The following CRYBG1 variants were observed in gnomAD, a reference collection of about 807,000 sequenced individuals.
CRYBG1 encodes beta/gamma crystallin domain-containing protein 1.
In CRYBG1, 139 loss-of-function variants were observed where a neutral mutation model predicts 189.2. The ratio of observed to expected loss-of-function variants is 0.73; its 90% CI spans 0.64 to 0.85. CRYBG1 has a LOEUF of 0.85. Among genes scored for constraint, CRYBG1 ranks in the 40% least tolerant of loss-of-function variants. The probability of loss-of-function intolerance (pLI) is 0.00; values close to 1 mark genes in which losing one functional copy is unlikely to be tolerated. For synonymous variants in CRYBG1, 1,023 were observed against 1,017.1 expected, an observed-to-expected ratio of 1.01 and a Z score of -0.11; for missense variants, 2,611 against 2,675.8, an observed-to-expected ratio of 0.98 and a Z score of 0.53.
chr6:106,472,511 T>A (rs1295590011), intron 2 of CRYBG1, among the ~76,000 whole-genome samples: 1 of 147,304 alleles, frequency 6.8e-6, no homozygotes, highest in Non-Finnish European at 1.5e-5. Flanking sequence ...AAACATTTTT[T>A]AGCTTTTTCT....
chr6:106,511,396 C>T, intron 2 of CRYBG1, 34 bp from the exon 3 acceptor site: 2 of 1,497,314 alleles, frequency 1.3e-6, no homozygotes, highest in Non-Finnish European at 1.8e-6. Flanking sequence ...ACCAGATTCT[C>T]ATATGTTCCC....
intron 2 of CRYBG1, among the ~76,000 whole-genome samples, chr6:106,463,628 CA>C (rs1772059119): frequency 6.6e-6 from 1 of 152,126 alleles, no homozygotes; most frequent in African/African-American, 2.4e-5. Flanking sequence ...GCTGAAGTGA[CA>C]GTTGGAGATG....
Position 106,490,721 on chromosome 6 carries a change from G to A in CRYBG1, c.313-20709G>A, listed in dbSNP as rs148896703. On this transcript the variant is annotated intron_variant, in intron 2 of 21. Coordinates refer to ENST00000633556, the MANE Select transcript of CRYBG1 (RefSeq NM_001371242.2). ...TCATAGAGTCAGGAGCAGGAATACA[G>A]ATTCACAGAAAGAATGAGCATGTGA... Among the ~76,000 whole-genome samples the A allele has an allele frequency of 1.1e-4, 17 of 152,304 alleles. No homozygotes were observed. In the East Asian group the frequency reaches 2.1e-3, roughly 19 times the overall value.
chr6:106,456,495 T>C (rs1303552593), intron 2 of CRYBG1, among the ~76,000 whole-genome samples: 3 of 152,280 alleles, frequency 2.0e-5, no homozygotes, highest in African/African-American at 7.2e-5. Context: ...GTTAATCTTA[T>C]AATTATAGAG....
At chr6:106,405,620 C>T (rs1350395388) in intron 1 of CRYBG1, among the ~76,000 whole-genome samples, 1 of 152,216 alleles carries the variant, frequency 6.6e-6, no homozygotes, top group Non-Finnish European at 1.5e-5. Context: ...TCAGCAGACA[C>T]CTCATACAGG....
At chr6:106,410,085 C>G (rs1770898561) in intron 1 of CRYBG1, among the ~76,000 whole-genome samples, 1 of 152,140 alleles carries the variant, frequency 6.6e-6, no homozygotes, top group South Asian at 2.1e-4. Context: ...AGTGAACAGG[C>G]AACCTACAGA....
intron 2 of CRYBG1, among the ~76,000 whole-genome samples, chr6:106,467,161 T>C (rs1324415174): frequency 6.6e-6 from 1 of 152,194 alleles, no homozygotes; most frequent in Non-Finnish European, 1.5e-5. Context: ...ATGGTGTTCC[T>C]GGTAACAGAT....
chr6:106,553,723 C>T (rs1031869256), intron 16 of CRYBG1, among the ~76,000 whole-genome samples, 156 bp downstream of exon 16: 4 of 152,160 alleles, frequency 2.6e-5, no homozygotes, highest in Non-Finnish European at 5.9e-5. Flanking sequence ...GTACCAGACG[C>T]CAGAGGACAC....
At chr6:106,428,592 A>G (rs1771269310) in intron 1 of CRYBG1, among the ~76,000 whole-genome samples, 2 of 152,202 alleles carry the variant, frequency 1.3e-5, no homozygotes, top group East Asian at 1.9e-4. Context: ...GTTGTGTTGT[A>G]TGGTCATCCT....
chr6:106,497,651 A>C (rs985128416), intron 2 of CRYBG1, among the ~76,000 whole-genome samples: 1 of 152,234 alleles, frequency 6.6e-6, no homozygotes, highest in African/African-American at 2.4e-5. Context: ...CACAAACATT[A>C]CTAGGCATCT....
intron 13 of CRYBG1, among the ~76,000 whole-genome samples, chr6:106,545,684 ACT>A (rs1460207025): frequency 1.1e-5 from 1 of 88,804 alleles, no homozygotes; most frequent in African/African-American, 2.8e-5. Context: ...TGTTCTCCTA[ACT>A]CTTTTTTTTT....
chr6:106,414,552 G>C (rs1254950773), intron 1 of CRYBG1, among the ~76,000 whole-genome samples: 1 of 152,230 alleles, frequency 6.6e-6, no homozygotes, highest in Non-Finnish European at 1.5e-5. Context: ...GATAAGAAGA[G>C]CCCACTCAGT....
At chr6:106,506,471 T>TG (rs1491177955) in intron 2 of CRYBG1, among the ~76,000 whole-genome samples, 2 of 105,936 alleles carry the variant, frequency 1.9e-5, no homozygotes, top group East Asian at 5.0e-4. Flanking sequence ...TTTTTTTTTT[T>TG]GAGATGGAGT....
Position 106,570,740 on chromosome 6 carries a change from A to G in CRYBG1, c.*2174A>G, listed in dbSNP as rs1483509860. 1 of 152,210 alleles carries G rather than the reference A, an allele frequency of 6.6e-6. No individual in the cohort carries two copies. Among genetic ancestry groups the G allele is most frequent in the African/African-American group, 2.4e-5 (1 of 41,452 alleles). The allele number at this position is 152,210 out of a possible 1,614,324, so 9.4% of individuals were successfully genotyped here. A position where few individuals can be genotyped will look rare whatever the true frequency, so the allele number is the denominator to read the frequency against. On this transcript the variant is annotated 3_prime_UTR_variant, in exon 22 of 22. Coordinates refer to ENST00000633556, the MANE Select transcript of CRYBG1 (RefSeq NM_001371242.2). ...TGGAAGTCAAGAGCAGCTGGTATTT[A>G]CACCTGGAAAATCAGATTTTTTTTT...
intron 15 of CRYBG1, 70 bp from the exon 16 acceptor site, chr6:106,553,385 A>G: frequency 9.5e-7 from 1 of 1,049,240 alleles, no homozygotes; most frequent in Non-Finnish European, 1.5e-6. Flanking sequence ...TTAGGTCATC[A>G]TTTCAAAGGC....
intron 2 of CRYBG1, among the ~76,000 whole-genome samples, chr6:106,497,656 G>T (rs1772883014): frequency 6.6e-6 from 1 of 152,206 alleles, no homozygotes; most frequent in Admixed American, 6.5e-5. Context: ...ACATTACTAG[G>T]CATCTTCTAG....
At chr6:106,513,139 G>A in intron 3 of CRYBG1, 100 bp downstream of exon 3, 1 of 1,385,378 alleles carries the variant, frequency 7.2e-7, no homozygotes, top group Non-Finnish European at 9.6e-7. Flanking sequence ...AGAAACGTCT[G>A]GTCACTGAAC....
intron 2 of CRYBG1, among the ~76,000 whole-genome samples, chr6:106,453,269 T>C (rs1330876097): frequency 2.0e-5 from 3 of 152,204 alleles, no homozygotes; most frequent in African/African-American, 7.2e-5. Context: ...GCTTATATTT[T>C]ATATTTCATT....
intron 1 of CRYBG1, among the ~76,000 whole-genome samples, chr6:106,388,157 C>T (rs1451855092): frequency 6.6e-6 from 1 of 152,212 alleles, no homozygotes; most frequent in South Asian, 2.1e-4. Context: ...CCTTTTCAAG[C>T]TCCTGCTGCC....
Sources: allele counts gnomAD v4.1 joint callset (sites outside exome capture counted in the v4.1 genomes callset), GRCh38; gene constraint gnomAD v4.1.1; transcripts MANE v1.5; gene names NCBI Gene and HGNC (gene_info 2026-07-23, HGNC 2026-07-21).